The following OR51B5 variants were observed in gnomAD, a reference collection of about 807,000 sequenced individuals.
OR51B5 encodes olfactory receptor 51B5.
For missense variants in OR51B5, 456 were observed against 374.6 expected (o/e 1.22, Z -1.79); for synonymous variants, 186 against 144.8 (o/e 1.28, Z -2.04).
chr11:5,422,366 T>G lies in OR51B5; in HGVS notation n.85-75456A>C, dbSNP rs147219693. ...CCTCACTGTCATTCGCACAGAGCCATCTGTCCACCAGCGCATGTATCTGTT... is the reference window on the plus strand; with the variant it reads ...CCTCACTGTCATTCGCACAGAGCCAGCTGTCCACCAGCGCATGTATCTGTT... On this transcript the variant is annotated intron_variant and non_coding_transcript_variant, in intron 1 of 4. Transcript: ENST00000415970. 11 of 1,614,150 alleles carry G rather than the reference T, an allele frequency of 6.8e-6. No homozygotes were observed. The African/African-American group carries it at 1.5e-4, about 22-fold the overall frequency.
At chr11:5,427,655 G>A (rs894822041) in intron 1 of OR51B5, among the ~76,000 whole-genome samples, 7 of 152,112 alleles carry the variant, frequency 4.6e-5, no homozygotes, top group Non-Finnish European at 1.0e-4. Context: ...AATATCTTTG[G>A]AAATAATTTT....
chr11:5,450,777 G>C (rs1049843872), intron 1 of OR51B5, among the ~76,000 whole-genome samples: 10 of 152,212 alleles, frequency 6.6e-5, no homozygotes, highest in African/African-American at 2.2e-4. Flanking sequence ...AGAGAGAAGA[G>C]AGTCACTGTT....
At position 5,489,253 on chromosome 11, in the gene OR51B5, G is replaced by A. The variant is rs1401691795; in HGVS notation, n.84+16316C>T. 6.8e-6 allele frequency: 11 copies of A among 1,613,878 alleles called. No homozygotes were observed. The highest frequency in any genetic ancestry group is 1.3e-5 in the African/African-American group (1 of 74,898). On this transcript the variant is annotated intron_variant and non_coding_transcript_variant, in intron 1 of 4. Coordinates refer to the OR51B5 transcript ENST00000415970. ...CCGTGTCATGACACACACATACTGT[G>A]AGCATATGGGCATTGCCCGACTGGC...
chr11:5,343,653 A>ATAAGTGATTGTTTCTCAAAATACATTC (rs1564912490), upstream of OR51B5: 4 of 549,944 alleles, frequency 7.3e-6, no homozygotes, highest in Admixed American at 7.2e-5. Flanking sequence ...TGACATCAAT[A>ATAAGTGATTGTTTCTCAAAATACATTC]TAAGTGATTG....
intron 1 of OR51B5, among the ~76,000 whole-genome samples, chr11:5,350,127 T>TA (rs1195247794): frequency 2.0e-5 from 3 of 152,046 alleles, no homozygotes; most frequent in East Asian, 3.9e-4. Context: ...AACACAAAAA[T>TA]AAAAAAATTA....
At chr11:5,412,740 G>A (rs1160383906) in intron 1 of OR51B5, among the ~76,000 whole-genome samples, 1 of 152,104 alleles carries the variant, frequency 6.6e-6, no homozygotes, top group Non-Finnish European at 1.5e-5. Context: ...GGCTGGGGGA[G>A]GGGCACCCGC....
At chr11:5,428,732 C>T (rs7934875) in intron 1 of OR51B5, among the ~76,000 whole-genome samples, 13,157 of 152,222 alleles carry the variant, frequency 0.086, 746 homozygotes, top group African/African-American at 0.15. Context: ...GGGCATAGGC[C>T]AAGCTAACCA....
chr11:5,384,731 C>A (rs1346105279), intron 1 of OR51B5, among the ~76,000 whole-genome samples: 2 of 152,178 alleles, frequency 1.3e-5, no homozygotes, highest in African/African-American at 4.8e-5. Flanking sequence ...ATATGCTGGT[C>A]CAGTTAACAT....
intron 1 of OR51B5, among the ~76,000 whole-genome samples, chr11:5,405,961 G>A (rs1850052746): frequency 6.6e-6 from 1 of 152,156 alleles, no homozygotes; most frequent in Non-Finnish European, 1.5e-5. Flanking sequence ...TTCATCAATG[G>A]CCAGATAAAT....
At position 5,390,420 on chromosome 11, in the gene OR51B5, C is replaced by T. The variant is rs374976349; in HGVS notation, n.85-43510G>A. ...CTCCCCCTAGAGGCCTATAAGAAGG[C>T]CCCAAATTGGACTGAAAATTTGGAG... On this transcript the variant is annotated intron_variant and non_coding_transcript_variant, in intron 1 of 4. Coordinates refer to the OR51B5 transcript ENST00000415970. 2.0e-4 allele frequency: 298 copies of T among 1,490,328 alleles called. 4 individuals are homozygous for T. In the Middle Eastern group the frequency reaches 0.012, roughly 58 times the overall value. The allele number at this position is 1,490,328 out of a possible 1,614,324, so 92.3% of individuals were successfully genotyped here. A position where few individuals can be genotyped will look rare whatever the true frequency, so the allele number is the denominator to read the frequency against.
chr11:5,438,732 G>T (rs1486997128), intron 1 of OR51B5, among the ~76,000 whole-genome samples: 1 of 152,138 alleles, frequency 6.6e-6, no homozygotes, highest in African/African-American at 2.4e-5. Context: ...CAAGACGAGG[G>T]CTTATTGTAT....
At position 5,488,075 on chromosome 11, in the gene OR51B5, T is replaced by C. The variant is rs546608037; in HGVS notation, n.84+17494A>G. Among the ~76,000 whole-genome samples the C allele has an allele frequency of 1.3e-3, 200 of 152,292 alleles. 7 individuals are homozygous for C. The South Asian group carries it at 0.041, about 31-fold the overall frequency. On this transcript the variant is annotated intron_variant and non_coding_transcript_variant, in intron 1 of 4. Coordinates refer to the OR51B5 transcript ENST00000415970. ...AACATCAATGCCATGTTACTAAGAATGATCAGAATTTAGTCTTTATTGAAG... is the reference window on the plus strand; with the variant it reads ...AACATCAATGCCATGTTACTAAGAACGATCAGAATTTAGTCTTTATTGAAG...
rs1023725906 is a variant in OR51B5, at chr11:5,419,640, T to C, written n.85-72730A>G. Among the ~76,000 whole-genome samples the C allele has an allele frequency of 2.0e-5, 3 of 152,280 alleles. No individual in the cohort carries two copies. In the East Asian group the frequency reaches 5.8e-4, roughly 29 times the overall value. On this transcript the variant is annotated intron_variant and non_coding_transcript_variant, in intron 1 of 4. Transcript: ENST00000415970. ...ACACTACCATTTTAGGTATGGAACA[T>C]GAACATCTACAGATGTTGCTATCCA...
chr11:5,464,825 T>C (rs1217964571), intron 1 of OR51B5, among the ~76,000 whole-genome samples: 1 of 152,160 alleles, frequency 6.6e-6, no homozygotes, highest in Non-Finnish European at 1.5e-5. Flanking sequence ...CTGGGTCAAA[T>C]GGTATTTCTA....
At position 5,389,927 on chromosome 11, in the gene OR51B5, G is replaced by T. The variant is rs747752747; in HGVS notation, n.85-43017C>A. 3 of 1,611,326 alleles carry T rather than the reference G, an allele frequency of 1.9e-6. No individual in the cohort carries two copies. The highest frequency in any genetic ancestry group is 2.5e-6 in the Non-Finnish European group (3 of 1,179,876). ...TATCCCTATTGTCCTCCTCCTGAAG[G>T]CTTTTCCCTACTGTGGATCTGTGGT... On this transcript the variant is annotated intron_variant and non_coding_transcript_variant, in intron 1 of 4. Transcript: ENST00000415970.
intron 1 of OR51B5, among the ~76,000 whole-genome samples, chr11:5,440,252 A>T (rs1172474536): frequency 6.6e-6 from 1 of 152,124 alleles, no homozygotes; most frequent in Non-Finnish European, 1.5e-5. Flanking sequence ...GAACTTCATT[A>T]TTCCCGTATA....
At chr11:5,495,863 T>A (rs1215614499) in intron 1 of OR51B5, among the ~76,000 whole-genome samples, 1 of 152,200 alleles carries the variant, frequency 6.6e-6, no homozygotes, top group Non-Finnish European at 1.5e-5. Flanking sequence ...AGGACACGCA[T>A]AGGCTGAAAG....
At chr11:5,447,775 A>G (rs1220580557) in intron 1 of OR51B5, among the ~76,000 whole-genome samples, 1 of 81,062 alleles carries the variant, frequency 1.2e-5, no homozygotes, top group African/African-American at 3.2e-5. Flanking sequence ...TCTTCACCCA[A>G]GTACTAGTGG....
At chr11:5,374,276 C>G (rs1479489006) in intron 1 of OR51B5, among the ~76,000 whole-genome samples, 1 of 152,116 alleles carries the variant, frequency 6.6e-6, no homozygotes, top group African/African-American at 2.4e-5. Flanking sequence ...AGGGTCCTGT[C>G]TGTTAGAAGG....
Sources: gnomAD v4.1 joint callset for allele counts (sites outside exome capture counted in the v4.1 genomes callset) on GRCh38, gnomAD v4.1.1 for gene constraint, MANE v1.5 for transcripts, NCBI Gene and HGNC (gene_info 2026-07-23, HGNC 2026-07-21) for gene names.